SCAF4: variants seen among roughly 807,000 people sequenced by gnomAD.
SCAF4 encodes SR-related and CTD-associated factor 4.
SCAF4 carries 25 observed loss-of-function variants against 129.8 expected under a neutral mutation model. The ratio of observed to expected loss-of-function variants is 0.19; its 90% CI spans 0.14 to 0.27. SCAF4 has a LOEUF of 0.27. SCAF4 is among the 10% of genes least tolerant of loss of function. The pLI, the probability that SCAF4 is intolerant of heterozygous loss-of-function variation, is 1.00. For synonymous variants in SCAF4, 551 were observed against 497.7 expected, an observed-to-expected ratio of 1.11 and a Z score of -1.43; for missense variants, 1,246 against 1,457.1, an observed-to-expected ratio of 0.86 and a Z score of 2.36.
At position 31,701,022 on chromosome 21, in the gene SCAF4, T is replaced by G; in HGVS notation, c.750A>C (p.Pro250=). 1 of 1,613,952 alleles carries G rather than the reference T, an allele frequency of 6.2e-7. No homozygotes were observed. Among genetic ancestry groups the G allele is most frequent in the Non-Finnish European group, 8.5e-7 (1 of 1,179,974 alleles). ...TGTCAAATGCAGTTTTCTGTTCAGGTGGGGGGAAAGCAGCTTTTTGTTCAG... is the reference window on the plus strand; with the variant it reads ...TGTCAAATGCAGTTTTCTGTTCAGGGGGGGGGAAAGCAGCTTTTTGTTCAG... ...QPSEQKAAFP[P]PEQKTAFDKK... is the part of the protein sequence containing the mutation. The change falls in exon 7 of 20, where the codon CCA becomes CCC. Residue 250 remains proline, a synonymous_variant. Coordinates refer to ENST00000286835, the MANE Select transcript of SCAF4 (RefSeq NM_020706.2).
Position 31,693,449 on chromosome 21 carries a change from C to A in SCAF4, c.1358G>T (p.Arg453Ile). The A allele has an allele frequency of 6.5e-7, 1 of 1,542,264 alleles. No homozygotes were observed. Among genetic ancestry groups the A allele is most frequent in the South Asian group, 1.2e-5 (1 of 83,002 alleles). Residue 453 changes from arginine (R) to isoleucine (I), a missense_variant, in exon 12 of 20, where the codon AGA (arginine) becomes ATA (isoleucine). Physicochemically the swap from Arg to Ile is moderately conservative, Grantham distance 97. Around this residue, in one of 6 missense-constraint regions of SCAF4, gnomAD observed 468 missense variants for 605.5 expected, o/e 0.77. Transcript: ENST00000286835. Reference protein sequence around the residue: ...PKRRRSRSGSRSRRSRHRRSR... With the variant: ...PKRRRSRSGSISRRSRHRRSR... ...ACGTCGATGCCGAGACCTTCGAGATCTAGAACCAGATCTAGATCGCCTCCT... is the reference window on the plus strand; with the variant it reads ...ACGTCGATGCCGAGACCTTCGAGATATAGAACCAGATCTAGATCGCCTCCT...
At chr21:31,707,535 C>T (rs1311039807) in intron 1 of SCAF4, among the ~76,000 whole-genome samples, 2 of 152,260 alleles carry the variant, frequency 1.3e-5, no homozygotes, top group Non-Finnish European at 1.5e-5. Context: ...ACATATCTAC[C>T]TTCTTAAATT....
intron 1 of SCAF4, chr21:31,712,858 G>C: frequency 1.0e-6 from 1 of 965,924 alleles, no homozygotes; most frequent in Non-Finnish European, 1.2e-6. Flanking sequence ...AATAAACACT[G>C]ATGGCCTTCT....
At chr21:31,700,422 A>G (rs989702647) in intron 7 of SCAF4, among the ~76,000 whole-genome samples, 3 of 151,698 alleles carry the variant, frequency 2.0e-5, no homozygotes, top group African/African-American at 7.3e-5. Context: ...TTTTTTTAAC[A>G]GCAAAAAACT....
At chr21:31,710,746 T>C (rs2050781269) in intron 1 of SCAF4, among the ~76,000 whole-genome samples, 1 of 152,204 alleles carries the variant, frequency 6.6e-6, no homozygotes, top group South Asian at 2.1e-4. Context: ...GTTTATTTAG[T>C]TTGGCAATTA....
At chr21:31,706,405 A>G (rs1430646337) in intron 1 of SCAF4, 48 bp from the exon 2 acceptor site, 1 of 1,277,890 alleles carries the variant, frequency 7.8e-7, no homozygotes, top group Non-Finnish European at 1.1e-6. Context: ...CTATTTGGCT[A>G]GTAAATAAGC....
Position 31,717,874 on chromosome 21 carries a change from T to TATAC in SCAF4, c.31-11518_31-11517insGTAT, listed in dbSNP as rs1402643629. On this transcript the variant is annotated intron_variant, in intron 1 of 19. Transcript: ENST00000286835. ...ACACACACACACACACACACACATA[T>TATAC]ACACATATATACACATATATACACA... Among the ~76,000 whole-genome samples, 8 of 73,190 alleles carry TATAC rather than the reference T, an allele frequency of 1.1e-4. No homozygotes were observed. In the South Asian group the frequency reaches 1.8e-3, roughly 17 times the overall value. 48.0% of individuals were successfully genotyped at this position (73,190 alleles called of 152,430 possible).
At chr21:31,691,045 T>C in intron 14 of SCAF4, 92 bp from the exon 15 acceptor site, 1 of 1,092,534 alleles carries the variant, frequency 9.2e-7, no homozygotes, top group South Asian at 1.8e-5. Context: ...CCATTCCGAC[T>C]CGGGCACCAA....
chr21:31,731,657 C>G lies in SCAF4; in HGVS notation c.30+6G>C, dbSNP rs1423438398. On this transcript the variant is annotated splice_donor_region_variant and intron_variant, in intron 1 of 19. Transcript: ENST00000286835. ...CCGGCACCCCCCTGCCCCAAACACC[C>G]CTTACCTCCTGGTTGAAGGCGTTGA... 30 of 1,588,058 alleles carry G rather than the reference C, an allele frequency of 1.9e-5. No individual in the cohort carries two copies. The highest frequency in any genetic ancestry group is 2.6e-5 in the Non-Finnish European group (30 of 1,172,036).
At chr21:31,691,046 C>T (rs557573818) in intron 14 of SCAF4, 93 bp from the exon 15 acceptor site, 11 of 1,082,778 alleles carry the variant, frequency 1.0e-5, no homozygotes, top group African/African-American at 4.8e-5. Flanking sequence ...CATTCCGACT[C>T]GGGCACCAAG....
chr21:31,690,515 T>C (rs1320972658), intron 15 of SCAF4, among the ~76,000 whole-genome samples: 1 of 152,110 alleles, frequency 6.6e-6, no homozygotes, highest in Non-Finnish European at 1.5e-5. Flanking sequence ...ATACCAAAGA[T>C]GCTCAGTTAA....
At chr21:31,712,766 T>A (rs559883655) in intron 1 of SCAF4, 8 of 291,922 alleles carry the variant, frequency 2.7e-5, no homozygotes, top group African/African-American at 7.2e-5. Context: ...CTGACCTCAG[T>A]TGATCCACCC....
intron 6 of SCAF4, 34 bp downstream of exon 6, chr21:31,701,742 T>C (rs751792699): frequency 6.3e-7 from 1 of 1,585,744 alleles, no homozygotes; most frequent in Non-Finnish European, 8.6e-7. Flanking sequence ...TACCTAGTCC[T>C]GCAAACAATT....
At chr21:31,708,934 C>G (rs1348836618) in intron 1 of SCAF4, among the ~76,000 whole-genome samples, 1 of 152,146 alleles carries the variant, frequency 6.6e-6, no homozygotes, top group Non-Finnish European at 1.5e-5. Context: ...AAATGTATAT[C>G]CAAGGCAGTC....
chr21:31,728,952 T>C (rs1461307790), intron 1 of SCAF4, among the ~76,000 whole-genome samples: 2 of 152,212 alleles, frequency 1.3e-5, no homozygotes, highest in African/African-American at 4.8e-5. Context: ...AAGGTGCTTA[T>C]AAACCTATCA....
intron 1 of SCAF4, among the ~76,000 whole-genome samples, chr21:31,727,147 C>T (rs1055514019): frequency 6.6e-6 from 1 of 152,018 alleles, no homozygotes; most frequent in Non-Finnish European, 1.5e-5. Context: ...GGCCCAATCT[C>T]GGTTCACTGC....
chr21:31,671,963 C>T lies in SCAF4; in HGVS notation c.2880G>A (p.Gln960=). The T allele has an allele frequency of 6.2e-7, 1 of 1,601,206 alleles. No individual in the cohort carries two copies. Among genetic ancestry groups the T allele is most frequent in the Non-Finnish European group, 8.6e-7 (1 of 1,168,700 alleles). ...QPQPQAPQQP[Q]QQQQQQPPPS... ...GTGGTGGCTGCTGCTGCTGCTGCTGCTGTGGTTGCTGGGGCGCCTGCGGCT... is the reference window on the plus strand; with the variant it reads ...GTGGTGGCTGCTGCTGCTGCTGCTGTTGTGGTTGCTGGGGCGCCTGCGGCT... The change falls in exon 20 of 20, where the codon CAG becomes CAA. Residue 960 remains glutamine, a synonymous_variant. Coordinates refer to ENST00000286835, the MANE Select transcript of SCAF4 (RefSeq NM_020706.2).
intron 1 of SCAF4, among the ~76,000 whole-genome samples, chr21:31,715,059 T>G (rs565099919): frequency 2.0e-5 from 3 of 152,312 alleles, no homozygotes; most frequent in African/African-American, 7.2e-5. Flanking sequence ...TACCACAAAT[T>G]TACTGGCTTA....
chr21:31,687,113 T>C (rs928551149), intron 16 of SCAF4, among the ~76,000 whole-genome samples: 3 of 152,152 alleles, frequency 2.0e-5, no homozygotes, highest in Non-Finnish European at 4.4e-5. Context: ...TCCCCTCACA[T>C]TGAGAAAATG....
Sources: allele counts gnomAD v4.1 joint callset (sites outside exome capture counted in the v4.1 genomes callset), GRCh38; gene constraint gnomAD v4.1.1; regional missense constraint gnomAD v4.1.1; transcripts MANE v1.5; gene names NCBI Gene and HGNC (gene_info 2026-07-23, HGNC 2026-07-21).